Variants in MKNK1 observed in about 807,000 individuals in gnomAD.
The protein encoded by MKNK1 is MAPK interacting serine/threonine kinase 1.
Under a neutral mutation model 49.3 loss-of-function variants are expected in MKNK1, and 30 were observed. That is an observed-to-expected ratio of 0.61 (90% CI 0.46 to 0.83). The LOEUF is 0.83. Among genes scored for constraint, MKNK1 ranks in the 40% least tolerant of loss-of-function variants. The pLI, the probability that MKNK1 is intolerant of heterozygous loss-of-function variation, is 0.00. For synonymous variants in MKNK1, 176 were observed against 201.7 expected, an observed-to-expected ratio of 0.87 and a Z score of 1.08; for missense variants, 423 against 524.7, an observed-to-expected ratio of 0.81 and a Z score of 1.89.
At chr1:46,583,475 G>A (rs1269058687) in intron 2 of MKNK1, 146 bp from the exon 3 acceptor site, 9 of 579,730 alleles carry the variant, frequency 1.6e-5, no homozygotes, top group South Asian at 4.9e-5. Flanking sequence ...CTATTGATTT[G>A]TTTTGACCTA....
chr1:46,567,515 G>A (rs1388523376), intron 8 of MKNK1, among the ~76,000 whole-genome samples: 2 of 152,142 alleles, frequency 1.3e-5, no homozygotes, highest in African/African-American at 2.4e-5. Flanking sequence ...TCATAATAAT[G>A]ATAAATTATA....
intron 12 of MKNK1, chr1:46,559,860 C>T (rs1007427235): frequency 1.8e-4 from 54 of 300,870 alleles, no homozygotes; most frequent in Non-Finnish European, 2.5e-4. Flanking sequence ...CGTCTAGTAC[C>T]GTACGTGCCC....
chr1:46,583,288 T>A lies in MKNK1; in HGVS notation c.40A>T (p.Arg14Trp). 6.2e-7 allele frequency: 1 copy of A among 1,613,950 alleles called. No individual in the cohort carries two copies. Among genetic ancestry groups the A allele is most frequent in the Non-Finnish European group, 8.5e-7 (1 of 1,179,996 alleles). ...CCCCTCCGCTTCTTCTTCCTCCTCC[T>A]GTCACCATCTGCGATGGGAAGGGGT... The part of the protein sequence containing the change: ...SEPLPIADGD[R>W]RRKKKRRGRA... The change falls in exon 3 of 13, where the codon AGG becomes TGG. Residue 14 changes from arginine (R) to tryptophan (W), a missense_variant. Transcript: ENST00000371945.
At chr1:46,568,533 A>G in intron 7 of MKNK1, 35 bp from the exon 8 acceptor site, 1 of 1,586,248 alleles carries the variant, frequency 6.3e-7, no homozygotes, top group South Asian at 1.1e-5. Flanking sequence ...TGGTTAACAT[A>G]TGCAGATAAT....
chr1:46,581,279 G>A (rs1011548590), intron 3 of MKNK1, among the ~76,000 whole-genome samples: 11 of 152,074 alleles, frequency 7.2e-5, no homozygotes, highest in Admixed American at 2.0e-4. Context: ...TTGGGAGGCC[G>A]AGGTGGGCAG....
chr1:46,592,748 C>A (rs1673511048), intron 2 of MKNK1, among the ~76,000 whole-genome samples: 2 of 152,174 alleles, frequency 1.3e-5, no homozygotes, highest in Admixed American at 1.3e-4. Flanking sequence ...GGGGCAAAGA[C>A]CACAGCCCTC....
At chr1:46,587,531 A>G (rs1672746215) in intron 2 of MKNK1, among the ~76,000 whole-genome samples, 2 of 152,160 alleles carry the variant, frequency 1.3e-5, no homozygotes, top group Admixed American at 6.5e-5. Context: ...TAAAGACCCA[A>G]TGATGGCCAG....
At chr1:46,594,788 A>T (rs1367137981) in intron 1 of MKNK1, 5 of 343,094 alleles carry the variant, frequency 1.5e-5, no homozygotes, top group Non-Finnish European at 2.9e-5. Context: ...TGAGCTCAGA[A>T]GTTCAAGACC....
At chr1:46,571,388 TA>T (rs2148635522) in intron 7 of MKNK1, 1 of 271,006 alleles carries the variant, frequency 3.7e-6, no homozygotes, top group Non-Finnish European at 7.3e-6. Context: ...TACAAAAAAA[TA>T]CAAAAATTTC....
At chr1:46,586,111 A>G (rs1036181432) in intron 2 of MKNK1, 2 of 373,142 alleles carry the variant, frequency 5.4e-6, no homozygotes. Flanking sequence ...CTGGCCACAC[A>G]CTATTTTCAT....
intron 6 of MKNK1, among the ~76,000 whole-genome samples, chr1:46,572,486 G>C (rs1400508777): frequency 6.6e-6 from 1 of 152,014 alleles, no homozygotes; most frequent in Non-Finnish European, 1.5e-5. Flanking sequence ...CCAAACTGTT[G>C]GGATTACAGG....
chr1:46,564,466 G>GTTTTTTTTATTTTTTT (rs1668661856), intron 9 of MKNK1, among the ~76,000 whole-genome samples: 1 of 70,184 alleles, frequency 1.4e-5, no homozygotes, highest in African/African-American at 6.8e-5. Context: ...TTTTTTTATT[G>GTTTTTTTTATTTTTTT]TTTTTTTTTT....
In MKNK1 at chr1:46,557,676, TG is replaced by T. The variant is rs1667242221; in HGVS notation, c.*898del. 1 of 152,472 alleles carries T rather than the reference TG, an allele frequency of 6.6e-6. No individual in the cohort carries two copies. Among genetic ancestry groups the T allele is most frequent in the Admixed American group, 6.5e-5 (1 of 15,276 alleles). The allele number at this position is 152,472 out of a possible 1,614,324, so 9.4% of individuals were successfully genotyped here. A position where few individuals can be genotyped will look rare whatever the true frequency, so the allele number is the denominator to read the frequency against. On this transcript the variant is annotated 3_prime_UTR_variant, in exon 13 of 13. Coordinates refer to ENST00000371945, the MANE Select transcript of MKNK1 (RefSeq NM_001135553.4). ...AGATCTGTGCCACCCACACAAGACC[TG>T]GGGACACAGCAGCAGACACCGATGC...
intron 7 of MKNK1, chr1:46,569,296 A>C (rs1669668917): frequency 1.3e-5 from 2 of 152,276 alleles, no homozygotes; most frequent in Non-Finnish European, 2.9e-5. Flanking sequence ...TGGAGATAGC[A>C]GCTTAGCCCA....
chr1:46,568,081 C>A, intron 8 of MKNK1: 1 of 202,770 alleles, frequency 4.9e-6, no homozygotes, highest in South Asian at 8.1e-5. Context: ...GTGATCATGC[C>A]ACTGCATTCC....
At chr1:46,568,318 T>C (rs1234123983) in intron 8 of MKNK1, 125 bp downstream of exon 8, 16 of 820,818 alleles carry the variant, frequency 1.9e-5, no homozygotes, top group African/African-American at 5.1e-5. Flanking sequence ...CATTCTCACA[T>C]GTCCAAGACG....
chr1:46,587,703 G>C (rs1306352109), intron 2 of MKNK1, among the ~76,000 whole-genome samples: 1 of 152,106 alleles, frequency 6.6e-6, no homozygotes, highest in East Asian at 1.9e-4. Flanking sequence ...TGTAATCCCA[G>C]CTACTCGGGA....
At chr1:46,585,877 G>A (rs1159937609) in intron 2 of MKNK1, 2 of 1,333,530 alleles carry the variant, frequency 1.5e-6, no homozygotes, top group Non-Finnish European at 1.0e-6. Context: ...AGAGTACCTG[G>A]TATATTCTGC....
At chr1:46,570,504 G>T (rs1241217001) in intron 7 of MKNK1, among the ~76,000 whole-genome samples, 1 of 152,242 alleles carries the variant, frequency 6.6e-6, no homozygotes, top group Non-Finnish European at 1.5e-5. Context: ...CACTGGAGGA[G>T]GGAGGTGGGG....
Sources: allele counts gnomAD v4.1 joint callset (sites outside exome capture counted in the v4.1 genomes callset), GRCh38; gene constraint gnomAD v4.1.1; transcripts MANE v1.5; gene names NCBI Gene and HGNC (gene_info 2026-07-23, HGNC 2026-07-21).